THAP4: variants seen among roughly 807,000 people sequenced by gnomAD.
THAP4 encodes the protein THAP domain containing 4.
Under a neutral mutation model 48.1 loss-of-function variants are expected in THAP4, and 18 were observed. The observed-to-expected ratio is 0.37, with a 90% CI of 0.26 to 0.56. The LOEUF (loss-of-function observed/expected upper bound fraction) is 0.56. Among genes scored for constraint, THAP4 ranks in the 20% least tolerant of loss-of-function variants. The pLI is 0.78. For missense variants in THAP4, 656 were observed against 774.9 expected (o/e 0.85, Z 1.82); for synonymous variants, 345 against 324.9 (o/e 1.06, Z -0.66).
intron 5 of THAP4, among the ~76,000 whole-genome samples, chr2:241,591,081 TG>T (rs2066970286): frequency 6.8e-6 from 1 of 147,050 alleles, no homozygotes; most frequent in African/African-American, 2.5e-5. Flanking sequence ...CGGCTGATGA[TG>T]ATGGGCACTA....
In THAP4 at chr2:241,606,306, C is replaced by T; in HGVS notation, c.1400+8G>A. 1.3e-6 allele frequency: 2 copies of T among 1,546,976 alleles called. No individual in the cohort carries two copies. Among genetic ancestry groups the T allele is most frequent in the Non-Finnish European group, 1.7e-6 (2 of 1,143,232 alleles). On this transcript the variant is annotated splice_region_variant and intron_variant, in intron 3 of 5. Coordinates refer to ENST00000407315, the MANE Select transcript of THAP4 (RefSeq NM_015963.6). ...TCAAGCAGGGTGGGGTGGAGGGAGA[C>T]AACTTACGAGAAGTTCAGCATGGGC...
At position 241,601,729 on chromosome 2, in the gene THAP4, A is replaced by G. The variant is rs532635770; in HGVS notation, c.1614+167T>C. On this transcript the variant is annotated intron_variant, in intron 5 of 5. Transcript: ENST00000407315. This position sits in a 1 kb window ranked among gnomAD's most constrained non-coding sequence, Gnocchi z 4.0. ...CGAGGAGGGGGCAATGAATTTAGGG[A>G]ACATCCACCCTGGATGGTCCGAGAA... 3.0e-6 allele frequency: 4 copies of G among 1,328,026 alleles called. No homozygotes were observed. The highest frequency in any genetic ancestry group is 2.4e-5 in the Admixed American group (1 of 42,034). 82.3% of individuals were successfully genotyped at this position (1,328,026 alleles called of 1,614,324 possible). A position where few individuals can be genotyped will look rare whatever the true frequency, so the allele number is the denominator to read the frequency against.
In THAP4 at chr2:241,633,012, C is replaced by T. The variant is rs769268345; in HGVS notation, c.1145G>A (p.Arg382His). The T allele has an allele frequency of 7.4e-6, 12 of 1,613,686 alleles. No individual in the cohort carries two copies. The highest frequency in any genetic ancestry group is 2.2e-5 in the East Asian group (1 of 44,886). The change falls in exon 2 of 6, where the codon CGC becomes CAC. Residue 382 changes from arginine to histidine, a missense_variant. Physicochemically the swap from Arg to His is conservative, Grantham distance 29. This residue lies in a region of THAP4 where 391 missense variants were observed against 412.4 expected (regional missense o/e 0.95). Coordinates refer to ENST00000407315, the MANE Select transcript of THAP4 (RefSeq NM_015963.6). The surrounding 1 kb of genome is among the most constrained non-coding windows in gnomAD (Gnocchi z 7.5). ...TAGCTTCCGCACCTGGCTGTCGGAGCGGCTGACCCTCTGCCGCAGGCTCTT... is the reference window on the plus strand; with the variant it reads ...TAGCTTCCGCACCTGGCTGTCGGAGTGGCTGACCCTCTGCCGCAGGCTCTT... ...ELKSLRQRVS[R>H]SDSQVRKLQE...
intron 3 of THAP4, among the ~76,000 whole-genome samples, chr2:241,605,230 G>C (rs1357091863): frequency 1.6e-4 from 25 of 152,110 alleles, no homozygotes; most frequent in Non-Finnish European, 2.8e-4. Context: ...AAAACAATGA[G>C]ATCTTCTAAA....
intron 2 of THAP4, among the ~76,000 whole-genome samples, chr2:241,624,971 A>T (rs1012558777): frequency 6.6e-6 from 1 of 152,226 alleles, no homozygotes; most frequent in Non-Finnish European, 1.5e-5. Flanking sequence ...GAGACTAAAT[A>T]TATTTTTTTA....
chr2:241,622,120 A>G (rs975112480), intron 2 of THAP4, among the ~76,000 whole-genome samples: 1 of 152,256 alleles, frequency 6.6e-6, no homozygotes, highest in African/African-American at 2.4e-5. Context: ...CTGTAATCCC[A>G]ACACTTTGGG....
rs1302015043 is a variant in THAP4 at position 241,611,521 on chromosome 2, G to A, written c.1241-5048C>T. 3.3e-5 allele frequency among the ~76,000 whole-genome samples: 5 copies of A among 152,294 alleles called. No homozygotes were observed. In the South Asian group the frequency reaches 6.2e-4, roughly 19 times the overall value. On this transcript the variant is annotated intron_variant, in intron 2 of 5. Transcript: ENST00000407315. ...GTGGATCATCTGAGGTCAGGAGTTC[G>A]AGACCAGCCTGGCCAACATGGTGAA...
At chr2:241,622,448 A>C (rs1043480791) in intron 2 of THAP4, among the ~76,000 whole-genome samples, 2 of 152,186 alleles carry the variant, frequency 1.3e-5, no homozygotes, top group African/African-American at 2.4e-5. Flanking sequence ...CTTCCCTTTG[A>C]GAAATATTAA....
Position 241,584,463 on chromosome 2 carries a change from A to G in THAP4, c.*143T>C. 2 of 838,434 alleles carry G rather than the reference A, an allele frequency of 2.4e-6. No homozygotes were observed. Among genetic ancestry groups the G allele is most frequent in the Non-Finnish European group, 3.8e-6 (2 of 525,354 alleles). The allele number at this position is 838,434 out of a possible 1,614,324, so 51.9% of individuals were successfully genotyped here. On this transcript the variant is annotated 3_prime_UTR_variant, in exon 6 of 6. Coordinates refer to ENST00000407315, the MANE Select transcript of THAP4 (RefSeq NM_015963.6). ...GCCTTTTATTTGGTTTTTCTATGCC[A>G]GTACAGAAACATCTGGACAACACTC...
intron 2 of THAP4, among the ~76,000 whole-genome samples, chr2:241,615,171 G>A (rs1355514022): frequency 6.6e-6 from 1 of 152,140 alleles, no homozygotes; most frequent in African/African-American, 2.4e-5. Flanking sequence ...AGAAAGGATG[G>A]AGGGTGGGGA....
chr2:241,626,468 C>CA (rs993669906), intron 2 of THAP4, among the ~76,000 whole-genome samples: 2 of 150,868 alleles, frequency 1.3e-5, no homozygotes, highest in African/African-American at 4.9e-5. Flanking sequence ...CAAAACAAAA[C>CA]AAAAAAACAA....
At chr2:241,611,552 A>G (rs897542688) in intron 2 of THAP4, among the ~76,000 whole-genome samples, 2 of 152,014 alleles carry the variant, frequency 1.3e-5, no homozygotes, top group Non-Finnish European at 2.9e-5. Flanking sequence ...GTGAAATCCC[A>G]TCTCTACTAA....
intron 5 of THAP4, chr2:241,585,064 C>CT: frequency 3.9e-6 from 1 of 255,962 alleles, no homozygotes; most frequent in South Asian, 5.2e-5. Flanking sequence ...GAGAAGTCAC[C>CT]TTTTTTTGGT....
chr2:241,584,479 G>T lies in THAP4; in HGVS notation c.*127C>A, dbSNP rs2066866501. On this transcript the variant is annotated 3_prime_UTR_variant, in exon 6 of 6. Coordinates refer to ENST00000407315, the MANE Select transcript of THAP4 (RefSeq NM_015963.6). ...TTCTATGCCAGTACAGAAACATCTG[G>T]ACAACACTCTTGAGCCTGCAGAGGC... 2.0e-6 allele frequency: 2 copies of T among 1,001,886 alleles called. No individual in the cohort carries two copies. Among genetic ancestry groups the T allele is most frequent in the Non-Finnish European group, 3.0e-6 (2 of 661,564 alleles). 62.1% of individuals were successfully genotyped at this position (1,001,886 alleles called of 1,614,324 possible).
At chr2:241,593,100 C>T (rs532615728) in intron 5 of THAP4, among the ~76,000 whole-genome samples, 253 of 151,944 alleles carry the variant, frequency 1.7e-3, no homozygotes, top group Non-Finnish European at 3.2e-3. Context: ...AAAAAATTAG[C>T]GGGGAGTGGT....
At chr2:241,623,013 C>T (rs546450065) in intron 2 of THAP4, among the ~76,000 whole-genome samples, 3 of 149,938 alleles carry the variant, frequency 2.0e-5, no homozygotes, top group Admixed American at 6.6e-5. Context: ...GTCAGGAGAT[C>T]GAGACCACCC....
intron 5 of THAP4, among the ~76,000 whole-genome samples, chr2:241,590,943 A>G (rs71217044): frequency 8.6e-4 from 8 of 9,280 alleles, no homozygotes; most frequent in Admixed American, 2.3e-3. Context: ...ACTAGGACAC[A>G]CAGAGCTGCT....
At position 241,605,292 on chromosome 2, in the gene THAP4, C is replaced by T. The variant is rs146872241; in HGVS notation, c.1400+1022G>A. On this transcript the variant is annotated intron_variant, in intron 3 of 5. Transcript: ENST00000407315. Reference sequence around the variant, plus strand: ...GGTCTGAGAGCCAGGTGCCCAGCCCCGTTCTGAAACTGCTAGGCATTATAC... The same window carrying T: ...GGTCTGAGAGCCAGGTGCCCAGCCCTGTTCTGAAACTGCTAGGCATTATAC... Among the ~76,000 whole-genome samples the T allele has an allele frequency of 2.5e-3, 385 of 152,216 alleles. 3 individuals are homozygous for T. The highest frequency in any genetic ancestry group is 0.01 in the Middle Eastern group (3 of 294).
At chr2:241,589,664 G>A (rs139875164) in intron 5 of THAP4, among the ~76,000 whole-genome samples, 2,848 of 151,166 alleles carry the variant, frequency 0.019, 29 homozygotes, top group Non-Finnish European at 0.029. Context: ...ACAGAACCCA[G>A]CAGTTCCAAT....
Sources: gnomAD v4.1 joint callset for allele counts (sites outside exome capture counted in the v4.1 genomes callset) on GRCh38, gnomAD v4.1.1 for gene constraint, gnomAD v4.1.1 regional missense constraint, Gnocchi (gnomAD v3.1) non-coding constraint, MANE v1.5 for transcripts, NCBI Gene and HGNC (gene_info 2026-07-23, HGNC 2026-07-21) for gene names.